DLG2: variants seen among roughly 807,000 people sequenced by gnomAD.
DLG2 encodes disks large homolog 2.
A neutral mutation model predicts 132.5 loss-of-function variants in DLG2; 45 were observed. That is an observed-to-expected ratio of 0.34 (90% CI 0.27 to 0.44). DLG2 has a LOEUF of 0.44. Ranked by LOEUF, DLG2 falls within the 20% of genes least tolerant of loss-of-function variation. DLG2 has a pLI of 1.00. For synonymous variants in DLG2, 424 were observed against 419.6 expected, an observed-to-expected ratio of 1.01 and a Z score of -0.13; for missense variants, 1,045 against 1,196.9, an observed-to-expected ratio of 0.87 and a Z score of 1.87.
chr11:85,470,431 T>G (rs2092947876), intron 3 of DLG2, among the ~76,000 whole-genome samples: 1 of 152,060 alleles, frequency 6.6e-6, no homozygotes, highest in Admixed American at 6.5e-5. Flanking sequence ...GTGAGTAAAT[T>G]AATATTTTTG....
In DLG2 at chr11:83,603,043, CATGTGTGTGT is replaced by C. The variant is rs370173992; in HGVS notation, c.1940+30158_1940+30167del. On this transcript the variant is annotated intron_variant, in intron 19 of 27. Coordinates refer to ENST00000376104, the MANE Select transcript of DLG2 (RefSeq NM_001142699.3). ...CTGTGTGTGTGTGTGTATGTGTGTG[CATGTGTGTGT>C]ATGTGTGTGTATGTGTGTTCGTGTG... Among the ~76,000 whole-genome samples, 102 of 150,938 alleles carry C rather than the reference CATGTGTGTGT, an allele frequency of 6.8e-4. 2 individuals carry two copies. Among genetic ancestry groups the C allele is most frequent in the African/African-American group, 2.1e-3 (88 of 41,162 alleles).
chr11:83,912,369 C>T (rs1466857220), intron 15 of DLG2, among the ~76,000 whole-genome samples: 2 of 152,182 alleles, frequency 1.3e-5, no homozygotes, highest in East Asian at 3.9e-4. Context: ...GATCCAAGGG[C>T]TTTTGAAAAT....
chr11:84,624,161 A>T (rs1291723514), intron 6 of DLG2, among the ~76,000 whole-genome samples: 1 of 152,058 alleles, frequency 6.6e-6, no homozygotes, highest in Non-Finnish European at 1.5e-5. Context: ...GGTTCTAAAA[A>T]CTTTCCTGTT....
intron 17 of DLG2, among the ~76,000 whole-genome samples, chr11:83,815,663 T>C (rs1487263911): frequency 3.3e-5 from 5 of 152,160 alleles, no homozygotes; most frequent in African/African-American, 1.2e-4. Flanking sequence ...AAGCTGCAGG[T>C]TGAGCTTGCT....
chr11:84,710,247 C>T (rs1195050022), intron 6 of DLG2, among the ~76,000 whole-genome samples: 1 of 151,972 alleles, frequency 6.6e-6, no homozygotes, highest in East Asian at 1.9e-4. Flanking sequence ...AGTACTAGCT[C>T]ACCAGCAAAA....
At chr11:85,272,718 C>T (rs1235519427) in intron 4 of DLG2, among the ~76,000 whole-genome samples, 1 of 152,122 alleles carries the variant, frequency 6.6e-6, no homozygotes, top group African/African-American at 2.4e-5. Context: ...CCCCATCAAG[C>T]TACCAATGAC....
At chr11:84,886,998 C>T (rs939790751) in intron 6 of DLG2, among the ~76,000 whole-genome samples, 2 of 152,076 alleles carry the variant, frequency 1.3e-5, no homozygotes, top group Non-Finnish European at 2.9e-5. Context: ...CACAAGAATG[C>T]TACTAAACTG....
intron 6 of DLG2, among the ~76,000 whole-genome samples, chr11:84,864,856 A>T (rs2084303455): frequency 6.6e-6 from 1 of 152,198 alleles, no homozygotes; most frequent in South Asian, 2.1e-4. Flanking sequence ...TCTCTAAATG[A>T]GAAAAGAAAG....
At chr11:84,656,743 A>G (rs1035495108) in intron 6 of DLG2, among the ~76,000 whole-genome samples, 1 of 152,134 alleles carries the variant, frequency 6.6e-6, no homozygotes, top group African/African-American at 2.4e-5. Flanking sequence ...AAATAATTAG[A>G]ACCCTGGTAT....
chr11:83,490,909 A>G (rs986427882), intron 21 of DLG2, among the ~76,000 whole-genome samples: 4 of 151,966 alleles, frequency 2.6e-5, no homozygotes, highest in African/African-American at 9.7e-5. Flanking sequence ...ATTTTCTACA[A>G]CTTTCTCTCA....
chr11:84,247,543 C>T (rs894506850), intron 8 of DLG2, among the ~76,000 whole-genome samples: 6 of 152,058 alleles, frequency 3.9e-5, no homozygotes, highest in African/African-American at 1.4e-4. Context: ...GCATGAGAAG[C>T]TAGACTATGT....
rs188446258 is a variant in DLG2 at position 83,686,422 on chromosome 11, A to G, written c.1826-53097T>C. On this transcript the variant is annotated intron_variant, in intron 18 of 27. Transcript: ENST00000376104. ...ATTGTATATTAAATGTATATATGAA[A>G]TATTTTATAGTTCTTTGTTCATTTC... is the stretch of plus-strand genomic sequence containing the variant. Among the ~76,000 whole-genome samples the G allele has an allele frequency of 1.4e-4, 22 of 152,186 alleles. No homozygotes were observed. In the East Asian group the frequency reaches 3.9e-3, roughly 27 times the overall value.
intron 15 of DLG2, among the ~76,000 whole-genome samples, chr11:83,892,786 C>T (rs2070346081): frequency 6.6e-6 from 1 of 151,994 alleles, no homozygotes; most frequent in African/African-American, 2.4e-5. Flanking sequence ...TTCTCCATAT[C>T]TCGGCTTCCC....
intron 19 of DLG2, among the ~76,000 whole-genome samples, chr11:83,613,146 AG>A (rs769505856): frequency 2.6e-5 from 4 of 152,132 alleles, no homozygotes; most frequent in African/African-American, 9.7e-5. Flanking sequence ...AGAGGGGAAA[AG>A]CTAGGGTTAG....
intron 15 of DLG2, among the ~76,000 whole-genome samples, chr11:83,912,924 G>C (rs1195769123): frequency 6.6e-6 from 1 of 152,022 alleles, no homozygotes; most frequent in East Asian, 1.9e-4. Flanking sequence ...AGAGCTTAAG[G>C]AGCCAATTTA....
At chr11:84,149,672 G>A (rs2095227780) in intron 9 of DLG2, among the ~76,000 whole-genome samples, 1 of 152,020 alleles carries the variant, frequency 6.6e-6, no homozygotes, top group South Asian at 2.1e-4. Flanking sequence ...GTGTTCTTTT[G>A]CTTAGGATTC....
At chr11:85,206,839 G>GA (rs1565157796) in intron 4 of DLG2, among the ~76,000 whole-genome samples, 1 of 151,718 alleles carries the variant, frequency 6.6e-6, no homozygotes, top group African/African-American at 2.4e-5. Context: ...TTCTAAAAAT[G>GA]AAAAAAAGCG....
intron 3 of DLG2, among the ~76,000 whole-genome samples, chr11:85,439,445 C>G (rs1424150693): frequency 6.6e-6 from 1 of 151,626 alleles, no homozygotes; most frequent in Non-Finnish European, 1.5e-5. Flanking sequence ...CTGCAACCTC[C>G]GCCTTCCAGG....
At chr11:83,943,117 C>G (rs1376340428) in intron 14 of DLG2, among the ~76,000 whole-genome samples, 8 of 152,186 alleles carry the variant, frequency 5.3e-5, no homozygotes, top group African/African-American at 1.9e-4. Context: ...CCACGTGGAA[C>G]TGTAAGTCCA....
Sources: allele counts gnomAD v4.1 joint callset (sites outside exome capture counted in the v4.1 genomes callset), GRCh38; gene constraint gnomAD v4.1.1; transcripts MANE v1.5; gene names NCBI Gene and HGNC (gene_info 2026-07-23, HGNC 2026-07-21).